Variants in DPRX observed in about 807,000 individuals in gnomAD.
DPRX encodes divergent paired-related homeobox.
A neutral mutation model predicts 8.4 loss-of-function variants in DPRX; 11 were observed. The observed-to-expected ratio is 1.31, with a 90% CI of 0.82 to 2.17. DPRX has a LOEUF of 2.17. Ranked by LOEUF, DPRX falls within the 30% of genes most tolerant of loss-of-function variation. DPRX has a pLI of 0.00. For missense variants in DPRX, 211 were observed against 236.7 expected (o/e 0.89, Z 0.71); for synonymous variants, 72 against 87.0 (o/e 0.83, Z 0.96).
At chr19:53,622,063 T>C in the DPRX span, among the ~76,000 whole-genome samples, 1 of 152,106 alleles carries the variant, frequency 6.6e-6, no homozygotes, top group Non-Finnish European at 1.5e-5. Context: ...GATCTGAGTC[T>C]GGTGTTGCTA....
the DPRX span, among the ~76,000 whole-genome samples, chr19:53,620,096 G>T: frequency 6.6e-6 from 1 of 151,962 alleles, no homozygotes; most frequent in Admixed American, 6.6e-5. Context: ...TTTAGACAGG[G>T]TCTCGCTCTG....
chr19:53,636,466 G>A, intron 2 of DPRX, 130 bp from the exon 3 acceptor site: 1 of 772,288 alleles, frequency 1.3e-6, no homozygotes, highest in Non-Finnish European at 1.7e-6. Flanking sequence ...AAAACTTAAA[G>A]GTTAAAAAAA....
the DPRX span, among the ~76,000 whole-genome samples, chr19:53,621,912 C>T: frequency 5.3e-5 from 8 of 152,100 alleles, 1 homozygote; most frequent in Admixed American, 5.3e-4. Flanking sequence ...AACTACAATC[C>T]TCATTGTTAT....
upstream of DPRX, among the ~76,000 whole-genome samples, chr19:53,629,339 A>G (rs539601452): frequency 3.3e-5 from 5 of 150,302 alleles, no homozygotes; most frequent in East Asian, 3.9e-4. Flanking sequence ...AAAAAGAGGA[A>G]TGAGATACCG....
the DPRX span, among the ~76,000 whole-genome samples, chr19:53,619,047 T>C: frequency 3.3e-5 from 5 of 152,104 alleles, no homozygotes; most frequent in Non-Finnish European, 5.9e-5. Context: ...CATTTTCATG[T>C]CCTTTTTACA....
chr19:53,606,562 G>C, the DPRX span: 2 of 152,694 alleles, frequency 1.3e-5, no homozygotes, highest in Admixed American at 6.5e-5. This position sits in a 1 kb window ranked among gnomAD's most constrained non-coding sequence, Gnocchi z 4.8. Flanking sequence ...CTATGAGGGT[G>C]AGCGCCGCTG....
the DPRX span, among the ~76,000 whole-genome samples, chr19:53,609,142 C>T: frequency 0.012 from 1,835 of 151,866 alleles, 16 homozygotes; most frequent in Middle Eastern, 0.02. Context: ...TCAGAAGGCT[C>T]TGGTAACCAA....
the DPRX span, among the ~76,000 whole-genome samples, chr19:53,626,750 G>A: frequency 0.017 from 2,561 of 152,264 alleles, 31 homozygotes; most frequent in Middle Eastern, 0.027. Context: ...CCAGGCTGGG[G>A]TGCAGTGGCG....
chr19:53,602,420 C>G, the DPRX span, among the ~76,000 whole-genome samples: 1 of 150,954 alleles, frequency 6.6e-6, no homozygotes, highest in Non-Finnish European at 1.5e-5. Context: ...AGTGCAGTGG[C>G]ACAATCTTGG....
intron 1 of DPRX, 121 bp from the exon 2 acceptor site, chr19:53,634,410 G>C (rs1396944927): frequency 6.1e-6 from 8 of 1,309,708 alleles, no homozygotes; most frequent in Non-Finnish European, 2.1e-6. Flanking sequence ...CAGCCTCGGT[G>C]ACAGAACCTC....
the DPRX span, chr19:53,617,172 T>C: frequency 9.5e-7 from 1 of 1,058,114 alleles, no homozygotes; most frequent in Admixed American, 1.7e-5. Flanking sequence ...CTTCTATTCG[T>C]TGGATTCGTC....
chr19:53,617,206 C>T, the DPRX span: 31 of 883,738 alleles, frequency 3.5e-5, no homozygotes, highest in African/African-American at 1.5e-4. Flanking sequence ...GTTTTTTTCA[C>T]GGCTAGAGTA....
the DPRX span, among the ~76,000 whole-genome samples, chr19:53,622,290 T>G: frequency 6.6e-6 from 1 of 151,888 alleles, no homozygotes; most frequent in Admixed American, 6.6e-5. Context: ...AATTTAGGGG[T>G]TTATGGGCAT....
chr19:53,632,971 G>T (rs1007840849), intron 1 of DPRX, among the ~76,000 whole-genome samples: 1 of 152,082 alleles, frequency 6.6e-6, no homozygotes, highest in African/African-American at 2.4e-5. Context: ...TGGAGCTGCT[G>T]CCAAACCATT....
chr19:53,635,207 A>C (rs756372778), intron 2 of DPRX, among the ~76,000 whole-genome samples: 1 of 152,104 alleles, frequency 6.6e-6, no homozygotes, highest in Non-Finnish European at 1.5e-5. Flanking sequence ...GGGTTTCGCT[A>C]TATTGCCCAG....
chr19:53,601,835 T>C, the DPRX span, among the ~76,000 whole-genome samples: 12 of 152,170 alleles, frequency 7.9e-5, no homozygotes, highest in South Asian at 2.3e-3. Context: ...AGACAGGTTT[T>C]GGGAAGTACT....
At chr19:53,618,615 T>TA in the DPRX span, among the ~76,000 whole-genome samples, 2,493 of 102,746 alleles carry the variant, frequency 0.024, 86 homozygotes, top group African/African-American at 0.068. Context: ...ACCCCATCTC[T>TA]AAAAAAAAAA....
At chr19:53,631,282 C>T (rs1454300831), upstream of DPRX, among the ~76,000 whole-genome samples, 1 of 151,640 alleles carries the variant, frequency 6.6e-6, no homozygotes, top group Non-Finnish European at 1.5e-5. Flanking sequence ...CAGAGTGAGA[C>T]TCCATCTCTA....
At chr19:53,617,953 C>T in the DPRX span, among the ~76,000 whole-genome samples, 3 of 151,882 alleles carry the variant, frequency 2.0e-5, no homozygotes, top group African/African-American at 7.3e-5. Context: ...GCCTGGCCAC[C>T]ATGTTGAAAC....
Sources: allele counts gnomAD v4.1 joint callset (sites outside exome capture counted in the v4.1 genomes callset), GRCh38; gene constraint gnomAD v4.1.1; non-coding constraint Gnocchi (gnomAD v3.1); transcripts MANE v1.5; gene names NCBI Gene and HGNC (gene_info 2026-07-23, HGNC 2026-07-21).